Variants in AK9 observed in about 807,000 individuals in gnomAD.
AK9 encodes adenylate kinase domain containing 1.
AK9 carries 191 observed loss-of-function variants against 239.6 expected under a neutral mutation model. That is an observed-to-expected ratio of 0.80 (90% CI 0.71 to 0.90). AK9 has a LOEUF of 0.90. AK9 is among the 40% of genes least tolerant of loss of function. The pLI, the probability that AK9 is intolerant of heterozygous loss-of-function variation, is 0.00. For synonymous variants in AK9, 689 were observed against 721.0 expected (o/e 0.96, Z 0.71); for missense variants, 1,995 against 2,214.7 (o/e 0.90, Z 1.99).
chr6:109,641,619 A>G lies in AK9; in HGVS notation c.835-3T>C, dbSNP rs1358160460. 6.2e-7 allele frequency: 1 copy of G among 1,602,066 alleles called. No individual in the cohort carries two copies. The highest frequency in any genetic ancestry group is 2.2e-5 in the East Asian group (1 of 44,808). ...TATTTAAGTCGATCCATAACAATCTAGATTTAAAGAACAGATATTTAACTA... is the reference window on the plus strand; with the variant it reads ...TATTTAAGTCGATCCATAACAATCTGGATTTAAAGAACAGATATTTAACTA... On this transcript the variant is annotated splice_region_variant and splice_polypyrimidine_tract_variant and intron_variant, in intron 9 of 40. Transcript: ENST00000424296.
chr6:109,611,390 C>T (rs1013189192), intron 16 of AK9, among the ~76,000 whole-genome samples: 3 of 152,150 alleles, frequency 2.0e-5, no homozygotes, highest in Non-Finnish European at 4.4e-5. Flanking sequence ...GGCAAAGATG[C>T]GAAATGTGCT....
intron 20 of AK9, 157 bp downstream of exon 20, chr6:109,579,393 A>G: frequency 1.6e-6 from 1 of 606,480 alleles, no homozygotes; most frequent in Non-Finnish European, 2.9e-6. Context: ...TAAGAATAAA[A>G]GGTACTATAA....
In AK9 at chr6:109,675,886, G is replaced by T. The variant is rs910887145; in HGVS notation, c.-11-130C>A. 3.6e-5 allele frequency: 19 copies of T among 521,208 alleles called. No individual in the cohort carries two copies. The Admixed American group carries it at 6.9e-4, about 19-fold the overall frequency. The allele number at this position is 521,208 out of a possible 1,614,324, so 32.3% of individuals were successfully genotyped here. Reference sequence around the variant, plus strand: ...TTGTACCATTAAACACATGAATTTTGTCAGTAATTGCAAATAAGTTTAACT... The same window carrying T: ...TTGTACCATTAAACACATGAATTTTTTCAGTAATTGCAAATAAGTTTAACT... On this transcript the variant is annotated intron_variant, in intron 1 of 40. Transcript: ENST00000424296.
intron 28 of AK9, among the ~76,000 whole-genome samples, chr6:109,530,504 C>T (rs897317457): frequency 3.3e-5 from 5 of 152,114 alleles, no homozygotes; most frequent in African/African-American, 1.2e-4. Flanking sequence ...GTTGTGAAAA[C>T]ATAGTCTCTT....
At chr6:109,640,080 G>A (rs61522207) in intron 10 of AK9, among the ~76,000 whole-genome samples, 4,392 of 152,268 alleles carry the variant, frequency 0.029, 100 homozygotes, top group East Asian at 0.11. Context: ...GTCAGGTAGC[G>A]TGACGCCTCC....
At chr6:109,620,980 T>A (rs933758898) in intron 12 of AK9, among the ~76,000 whole-genome samples, 2 of 152,010 alleles carry the variant, frequency 1.3e-5, no homozygotes, top group Non-Finnish European at 2.9e-5. Context: ...AACTGTCAAT[T>A]CTGTTTTATG....
chr6:109,623,817 A>T (rs944157672), intron 12 of AK9, among the ~76,000 whole-genome samples: 1 of 150,696 alleles, frequency 6.6e-6, no homozygotes, highest in Non-Finnish European at 1.5e-5. Context: ...AATTACCTGG[A>T]TAAAACTTTT....
chr6:109,645,960 T>C (rs1175124792), intron 8 of AK9, among the ~76,000 whole-genome samples: 1 of 152,176 alleles, frequency 6.6e-6, no homozygotes, highest in Non-Finnish European at 1.5e-5. Context: ...ATCCATAGAG[T>C]GGACCTCCAG....
At chr6:109,564,633 A>G (rs1374754160) in intron 22 of AK9, 123 bp downstream of exon 22, 3 of 663,860 alleles carry the variant, frequency 4.5e-6, no homozygotes, top group African/African-American at 1.9e-5. Flanking sequence ...ATGTATGTCA[A>G]TTAGCATACA....
chr6:109,509,145 C>T, intron 33 of AK9, 34 bp downstream of exon 33: 1 of 1,533,870 alleles, frequency 6.5e-7, no homozygotes, highest in Non-Finnish European at 8.8e-7. Context: ...AGATTTAACT[C>T]CCTCTGTCCC....
intron 17 of AK9, among the ~76,000 whole-genome samples, chr6:109,603,238 A>T (rs1792310296): frequency 1.3e-5 from 2 of 152,144 alleles, no homozygotes; most frequent in South Asian, 4.1e-4. Flanking sequence ...GGTGACGTAC[A>T]GATGAGGTTT....
At chr6:109,566,388 T>C (rs1786520809) in intron 21 of AK9, among the ~76,000 whole-genome samples, 1 of 152,116 alleles carries the variant, frequency 6.6e-6, no homozygotes, top group Admixed American at 6.6e-5. Flanking sequence ...AAAGAGAGTA[T>C]TGATCCAAAG....
At chr6:109,619,928 G>A (rs1794620049) in intron 12 of AK9, among the ~76,000 whole-genome samples, 1 of 152,074 alleles carries the variant, frequency 6.6e-6, no homozygotes, top group African/African-American at 2.4e-5. Flanking sequence ...TACAGTATGT[G>A]ATCTTTTTCA....
chr6:109,508,820 C>A (rs6911851), intron 33 of AK9, among the ~76,000 whole-genome samples: 108,346 of 151,988 alleles, frequency 0.71, 39,102 homozygotes, highest in East Asian at 0.99. Flanking sequence ...CTGGACCAGC[C>A]CCTGGGGGAT....
At chr6:109,526,654 T>G (rs971191399) in intron 29 of AK9, among the ~76,000 whole-genome samples, 1 of 152,212 alleles carries the variant, frequency 6.6e-6, no homozygotes, top group Non-Finnish European at 1.5e-5. Flanking sequence ...GTCAGAGTTC[T>G]CAGGGCTTCC....
At chr6:109,659,886 T>C (rs2128316060) in intron 6 of AK9, among the ~76,000 whole-genome samples, 1 of 152,314 alleles carries the variant, frequency 6.6e-6, no homozygotes, top group Middle Eastern at 3.4e-3. Flanking sequence ...ATGCCAGTCA[T>C]AAATGGGACC....
At chr6:109,583,903 C>T (rs1789160123) in intron 19 of AK9, among the ~76,000 whole-genome samples, 1 of 152,110 alleles carries the variant, frequency 6.6e-6, no homozygotes, top group African/African-American at 2.4e-5. Flanking sequence ...GACTAGTTCT[C>T]ACACACTGGA....
intron 10 of AK9, among the ~76,000 whole-genome samples, chr6:109,635,977 A>G (rs1008312112): frequency 1.2e-4 from 18 of 152,122 alleles, no homozygotes; most frequent in African/African-American, 3.9e-4. Flanking sequence ...GCATAATCTC[A>G]TGTAATCTTT....
intron 10 of AK9, among the ~76,000 whole-genome samples, chr6:109,641,226 T>G (rs943606635): frequency 6.7e-6 from 1 of 149,524 alleles, no homozygotes; most frequent in Non-Finnish European, 1.5e-5. Flanking sequence ...TGGAGTGCAA[T>G]GGCATGATCA....
Sources: gnomAD v4.1 joint callset for allele counts (sites outside exome capture counted in the v4.1 genomes callset) on GRCh38, gnomAD v4.1.1 for gene constraint, MANE v1.5 for transcripts, NCBI Gene and HGNC (gene_info 2026-07-23, HGNC 2026-07-21) for gene names.